Variants in DLG2 observed in about 807,000 individuals in gnomAD.
DLG2 encodes the protein disks large homolog 2.
A neutral mutation model predicts 132.5 loss-of-function variants in DLG2; 45 were observed. The observed-to-expected ratio is 0.34, with a 90% CI of 0.27 to 0.44. DLG2 has a LOEUF of 0.44. Ranked by LOEUF, DLG2 falls within the 20% of genes least tolerant of loss-of-function variation. DLG2 has a pLI of 1.00. For missense variants in DLG2, 1,045 were observed against 1,196.9 expected (o/e 0.87, Z 1.87); for synonymous variants, 424 against 419.6 (o/e 1.01, Z -0.13).
At chr11:84,587,792 T>C (rs1362075383) in intron 6 of DLG2, among the ~76,000 whole-genome samples, 2 of 152,208 alleles carry the variant, frequency 1.3e-5, no homozygotes, top group Non-Finnish European at 2.9e-5. Flanking sequence ...CATTATATTA[T>C]GCAGTCCATG....
Position 84,372,366 on chromosome 11 carries a change from A to G in DLG2, c.520-121075T>C, listed in dbSNP as rs1188190991. 2.0e-5 allele frequency among the ~76,000 whole-genome samples: 3 copies of G among 152,172 alleles called. No individual in the cohort carries two copies. In the East Asian group the frequency reaches 5.8e-4, roughly 29 times the overall value. On this transcript the variant is annotated intron_variant, in intron 7 of 27. Transcript: ENST00000376104. ...AGAAAGACTTAAATTGGACCTCCTG[A>G]AAAGGCCCATTTGCTTATAAAAAGC...
intron 6 of DLG2, among the ~76,000 whole-genome samples, chr11:84,600,224 GAGAA>G (rs919888490): frequency 2.0e-5 from 2 of 100,570 alleles, no homozygotes; most frequent in African/African-American, 5.0e-5. Flanking sequence ...AAGAAAGAAA[GAGAA>G]AGAAAGACAG....
intron 6 of DLG2, chr11:85,021,163 T>G: frequency 1.1e-6 from 1 of 898,770 alleles, no homozygotes; most frequent in Non-Finnish European, 1.9e-6. Context: ...CTGCCCATTC[T>G]TAGAATTGAA....
At chr11:83,643,160 T>C (rs1452090574) in intron 18 of DLG2, among the ~76,000 whole-genome samples, 3 of 151,850 alleles carry the variant, frequency 2.0e-5, no homozygotes, top group Non-Finnish European at 4.4e-5. Context: ...TTCATACCAA[T>C]GCAGTTTTTT....
chr11:83,804,384 T>G (rs987441034), intron 17 of DLG2, among the ~76,000 whole-genome samples: 1 of 152,164 alleles, frequency 6.6e-6, no homozygotes, highest in Non-Finnish European at 1.5e-5. Flanking sequence ...ATGCTAGTTC[T>G]AAGCATTGAT....
intron 6 of DLG2, chr11:84,546,591 G>T: frequency 2.1e-6 from 1 of 469,126 alleles, no homozygotes; most frequent in Non-Finnish European, 4.1e-6. Context: ...ACTGTCTTTG[G>T]TTCCACGACT....
intron 7 of DLG2, among the ~76,000 whole-genome samples, chr11:84,342,698 T>C (rs2098520859): frequency 6.6e-6 from 1 of 152,192 alleles, no homozygotes; most frequent in African/African-American, 2.4e-5. Flanking sequence ...TTATAACTAC[T>C]TTTTCAGTAA....
chr11:83,743,803 T>C (rs997651150), intron 18 of DLG2, among the ~76,000 whole-genome samples: 13 of 152,118 alleles, frequency 8.5e-5, no homozygotes, highest in African/African-American at 2.9e-4. Flanking sequence ...AAAAATAGCA[T>C]GCACCTCAGA....
At chr11:84,252,140 C>CTTTTTTTTTTTTTTTTTTTTTTTTTTTT (rs1176873990) in intron 7 of DLG2, among the ~76,000 whole-genome samples, 2 of 65,340 alleles carry the variant, frequency 3.1e-5, no homozygotes, top group Admixed American at 2.1e-4. Flanking sequence ...TTCTTTCTTT[C>CTTTTTTTTTTTTTTTTTTTTTTTTTTTT]TTTTTTTTTT....
chr11:85,427,814 T>A (rs2090878585), intron 3 of DLG2, among the ~76,000 whole-genome samples: 1 of 152,180 alleles, frequency 6.6e-6, no homozygotes, highest in South Asian at 2.1e-4. Flanking sequence ...ATGCTCCAAT[T>A]AAAAGACACA....
At chr11:84,858,920 G>A (rs2083171996) in intron 6 of DLG2, among the ~76,000 whole-genome samples, 1 of 152,030 alleles carries the variant, frequency 6.6e-6, no homozygotes, top group South Asian at 2.1e-4. Context: ...AAAGAGGAGA[G>A]GAAGCAGATA....
At chr11:85,612,612 C>A (rs763919311) in intron 2 of DLG2, among the ~76,000 whole-genome samples, 13 of 152,150 alleles carry the variant, frequency 8.5e-5, no homozygotes, top group Admixed American at 5.2e-4. Context: ...CCCAAACTTA[C>A]AAGGTTTTCA....
rs1021189096 is a variant in DLG2, at chr11:83,681,449, G to A, written c.1826-48124C>T. ...GAGAAAACAGCCAGCCACAAGTCAT[G>A]CAAATACAACAGTCATGCCTTCTGC... On this transcript the variant is annotated intron_variant, in intron 18 of 27. Coordinates refer to ENST00000376104, the MANE Select transcript of DLG2 (RefSeq NM_001142699.3). 2.6e-5 allele frequency among the ~76,000 whole-genome samples: 4 copies of A among 152,292 alleles called. No individual in the cohort carries two copies. The East Asian group carries it at 7.7e-4, about 29-fold the overall frequency.
At chr11:84,846,897 T>A (rs2081545483) in intron 6 of DLG2, among the ~76,000 whole-genome samples, 1 of 152,160 alleles carries the variant, frequency 6.6e-6, no homozygotes, top group Non-Finnish European at 1.5e-5. Context: ...GAGATTTTTT[T>A]ATATGTGAGA....
chr11:85,419,914 A>G (rs1487503871), intron 3 of DLG2, among the ~76,000 whole-genome samples: 3 of 152,012 alleles, frequency 2.0e-5, no homozygotes, highest in African/African-American at 7.2e-5. Context: ...TATTACCCAC[A>G]TTCTGAAGTC....
At chr11:85,409,508 GA>G (rs1414744708) in intron 3 of DLG2, among the ~76,000 whole-genome samples, 1 of 151,732 alleles carries the variant, frequency 6.6e-6, no homozygotes, top group African/African-American at 2.4e-5. Context: ...TATTAAAGGA[GA>G]AAAAAATGGA....
chr11:84,881,020 G>A (rs1020752062), intron 6 of DLG2, among the ~76,000 whole-genome samples: 4 of 151,978 alleles, frequency 2.6e-5, no homozygotes, highest in African/African-American at 4.8e-5. Context: ...ATAATTATAC[G>A]AGGAATGTGA....
intron 6 of DLG2, among the ~76,000 whole-genome samples, chr11:84,874,299 T>C (rs1045222921): frequency 6.6e-6 from 1 of 152,110 alleles, no homozygotes; most frequent in East Asian, 1.9e-4. Context: ...AGAATAAAAG[T>C]AGAAAATCCT....
chr11:84,553,245 A>T (rs1007949579), intron 6 of DLG2, among the ~76,000 whole-genome samples: 5 of 152,108 alleles, frequency 3.3e-5, no homozygotes, highest in Non-Finnish European at 7.3e-5. Context: ...TGAGTTTGTA[A>T]TCTTTTTATT....
Sources: gnomAD v4.1 joint callset for allele counts (sites outside exome capture counted in the v4.1 genomes callset) on GRCh38, gnomAD v4.1.1 for gene constraint, MANE v1.5 for transcripts, NCBI Gene and HGNC (gene_info 2026-07-23, HGNC 2026-07-21) for gene names.